MACROD2: variants seen among roughly 807,000 people sequenced by gnomAD.
MACROD2 encodes the protein mono-ADP ribosylhydrolase 2.
Under a neutral mutation model 70.4 loss-of-function variants are expected in MACROD2, and 36 were observed. That is an observed-to-expected ratio of 0.51 (90% CI 0.39 to 0.68). The LOEUF (loss-of-function observed/expected upper bound fraction) is 0.68, where lower values mean the gene tolerates loss of function less well. MACROD2 is among the 30% of genes least tolerant of loss of function. The pLI is 0.00. For missense variants in MACROD2, 496 were observed against 538.4 expected, an observed-to-expected ratio of 0.92 and a Z score of 0.78; for synonymous variants, 172 against 178.8, an observed-to-expected ratio of 0.96 and a Z score of 0.30.
chr20:14,371,822 CT>C (rs1215464676), intron 3 of MACROD2, among the ~76,000 whole-genome samples: 1 of 151,758 alleles, frequency 6.6e-6, no homozygotes, highest in East Asian at 1.9e-4. Context: ...CTTTTCTTTT[CT>C]TTTCTTTTTT....
chr20:15,316,109 A>T (rs534053620), intron 6 of MACROD2, among the ~76,000 whole-genome samples: 1 of 152,122 alleles, frequency 6.6e-6, no homozygotes, highest in South Asian at 2.1e-4. Context: ...ACTAAAAAAA[A>T]AAAAAGTCAG....
At chr20:14,555,593 C>A (rs1205072938) in intron 4 of MACROD2, among the ~76,000 whole-genome samples, 2 of 152,046 alleles carry the variant, frequency 1.3e-5, no homozygotes, top group East Asian at 3.9e-4. Context: ...TCAAGGTTGA[C>A]CTGAGACTCT....
At chr20:14,275,162 C>G (rs948694256) in intron 3 of MACROD2, among the ~76,000 whole-genome samples, 1 of 151,862 alleles carries the variant, frequency 6.6e-6, no homozygotes, top group Non-Finnish European at 1.5e-5. Flanking sequence ...AAAAAGAGCC[C>G]GCATCGCCAA....
intron 5 of MACROD2, among the ~76,000 whole-genome samples, chr20:15,200,123 C>T (rs1038590916): frequency 6.6e-6 from 1 of 152,150 alleles, no homozygotes; most frequent in Admixed American, 6.5e-5. Context: ...ATGCGGCCTT[C>T]GTAGTTTCAG....
chr20:16,012,736 G>C (rs972312313), intron 15 of MACROD2, among the ~76,000 whole-genome samples: 1 of 152,172 alleles, frequency 6.6e-6, no homozygotes, highest in Non-Finnish European at 1.5e-5. Context: ...TGGTTATAGA[G>C]CAGAATGTCA....
At chr20:15,614,942 C>T (rs937847415) in intron 8 of MACROD2, among the ~76,000 whole-genome samples, 1 of 152,120 alleles carries the variant, frequency 6.6e-6, no homozygotes, top group Non-Finnish European at 1.5e-5. Context: ...TAGCACATTC[C>T]CTGTTCCTCT....
intron 3 of MACROD2, among the ~76,000 whole-genome samples, chr20:14,149,450 T>C (rs2054987562): frequency 6.6e-6 from 1 of 152,162 alleles, no homozygotes; most frequent in Admixed American, 6.5e-5. Flanking sequence ...CTGCAGTGAA[T>C]CTACATATGT....
intron 5 of MACROD2, among the ~76,000 whole-genome samples, chr20:14,739,715 C>T (rs1461369708): frequency 6.6e-6 from 1 of 151,930 alleles, no homozygotes; most frequent in Non-Finnish European, 1.5e-5. Flanking sequence ...GAAATGTACA[C>T]AAATACTTAT....
intron 4 of MACROD2, among the ~76,000 whole-genome samples, chr20:14,533,148 A>C (rs1184784049): frequency 6.6e-6 from 1 of 152,218 alleles, no homozygotes; most frequent in Non-Finnish European, 1.5e-5. Flanking sequence ...GAGGATAAGG[A>C]AATTCTGTCT....
chr20:15,305,183 A>T (rs559416638), intron 6 of MACROD2, among the ~76,000 whole-genome samples: 30 of 151,824 alleles, frequency 2.0e-4, no homozygotes, highest in Non-Finnish European at 4.0e-4. Flanking sequence ...TCATCTGTTC[A>T]TACTTTATAA....
At chr20:15,987,640 T>C (rs1269081559) in intron 15 of MACROD2, among the ~76,000 whole-genome samples, 2 of 152,158 alleles carry the variant, frequency 1.3e-5, no homozygotes, top group African/African-American at 4.8e-5. Context: ...GATGCAATCA[T>C]ATTGAATACT....
chr20:14,776,184 T>G, intron 5 of MACROD2, among the ~76,000 whole-genome samples: 1 of 151,976 alleles, frequency 6.6e-6, no homozygotes, highest in East Asian at 1.9e-4. Context: ...CGCCCTCTCA[T>G]ACAGCATAGG....
intron 8 of MACROD2, among the ~76,000 whole-genome samples, chr20:15,744,693 T>TACACACACAC (rs11467530): frequency 5.4e-5 from 8 of 148,336 alleles, no homozygotes; most frequent in South Asian, 2.2e-4. Context: ...AAACCAAGTA[T>TACACACACAC]ACACACACAC....
At chr20:15,758,237 CTTTTTTT>C (rs397793806) in intron 8 of MACROD2, among the ~76,000 whole-genome samples, 8 of 122,134 alleles carry the variant, frequency 6.6e-5, no homozygotes, top group African/African-American at 2.1e-4. Flanking sequence ...TCCTGTAATT[CTTTTTTT>C]TTTTTTTTTT....
At chr20:15,274,356 A>G (rs1308360861) in intron 6 of MACROD2, among the ~76,000 whole-genome samples, 2 of 152,180 alleles carry the variant, frequency 1.3e-5, no homozygotes, top group African/African-American at 2.4e-5. Context: ...CTGGGGCTGT[A>G]TTGTTCTTCA....
intron 3 of MACROD2, among the ~76,000 whole-genome samples, chr20:14,442,194 C>T (rs1404085621): frequency 6.6e-6 from 1 of 152,070 alleles, no homozygotes; most frequent in African/African-American, 2.4e-5. Flanking sequence ...CACTTGAACC[C>T]AGGAGGTGGA....
At chr20:15,017,224 C>T (rs545307185) in intron 5 of MACROD2, among the ~76,000 whole-genome samples, 25 of 152,206 alleles carry the variant, frequency 1.6e-4, no homozygotes, top group Admixed American at 9.2e-4. Context: ...TCATTCCAAA[C>T]GGGAGAAATT....
chr20:15,692,748 C>T (rs2050313807), intron 8 of MACROD2, among the ~76,000 whole-genome samples: 1 of 152,140 alleles, frequency 6.6e-6, no homozygotes, highest in African/African-American at 2.4e-5. Context: ...ACACTTCATA[C>T]TTGATCCTAT....
chr20:15,800,653 C>T (rs2063716056), intron 8 of MACROD2, among the ~76,000 whole-genome samples: 1 of 152,068 alleles, frequency 6.6e-6, no homozygotes. Context: ...AAGCGAGGAG[C>T]CCCTCTGCCC....
Sources: allele counts gnomAD v4.1 joint callset (sites outside exome capture counted in the v4.1 genomes callset), GRCh38; gene constraint gnomAD v4.1.1; transcripts MANE v1.5; gene names NCBI Gene and HGNC (gene_info 2026-07-23, HGNC 2026-07-21).